The following DLG2 variants were observed in gnomAD, a reference collection of about 807,000 sequenced individuals.
DLG2 encodes the protein disks large homolog 2.
A neutral mutation model predicts 132.5 loss-of-function variants in DLG2; 45 were observed. That is an observed-to-expected ratio of 0.34 (90% confidence interval 0.27 to 0.44). DLG2 has a LOEUF of 0.44. Ranked by LOEUF, DLG2 falls within the 20% of genes least tolerant of loss-of-function variation. The pLI is 1.00. For missense variants in DLG2, 1,045 were observed against 1,196.9 expected, an observed-to-expected ratio of 0.87 and a Z score of 1.87; for synonymous variants, 424 against 419.6, an observed-to-expected ratio of 1.01 and a Z score of -0.13.
At chr11:83,812,410 G>T (rs2153966339) in intron 17 of DLG2, among the ~76,000 whole-genome samples, 1 of 152,172 alleles carries the variant, frequency 6.6e-6, no homozygotes. Context: ...TCTACAATGT[G>T]CCAGGGGCTG....
chr11:84,066,653 A>C (rs752943275), intron 10 of DLG2, among the ~76,000 whole-genome samples: 4 of 151,800 alleles, frequency 2.6e-5, no homozygotes, highest in Middle Eastern at 3.2e-3. Flanking sequence ...CCCAGCTACT[A>C]AGGAGGCTGA....
intron 18 of DLG2, among the ~76,000 whole-genome samples, chr11:83,683,109 G>A (rs987854867): frequency 1.3e-5 from 2 of 152,300 alleles, no homozygotes; most frequent in Admixed American, 1.3e-4. Flanking sequence ...CAGTGCCTGA[G>A]CTTTTTGTTC....
chr11:84,747,606 G>T (rs564913198), intron 6 of DLG2, among the ~76,000 whole-genome samples: 1 of 152,130 alleles, frequency 6.6e-6, no homozygotes, highest in African/African-American at 2.4e-5. Context: ...GACATAATAT[G>T]AAAATACTTG....
At chr11:85,386,897 T>C (rs2086382932) in intron 3 of DLG2, among the ~76,000 whole-genome samples, 1 of 151,302 alleles carries the variant, frequency 6.6e-6, no homozygotes, top group South Asian at 2.1e-4. Context: ...CTTTCTTTTT[T>C]TTTTCTTTTT....
chr11:85,138,112 C>A (rs769891888), intron 5 of DLG2, among the ~76,000 whole-genome samples: 1 of 151,956 alleles, frequency 6.6e-6, no homozygotes, highest in Non-Finnish European at 1.5e-5. Flanking sequence ...TTAGTTTTAA[C>A]CCATCTTTTA....
chr11:84,246,800 A>G (rs953372083), intron 8 of DLG2, among the ~76,000 whole-genome samples: 1 of 152,198 alleles, frequency 6.6e-6, no homozygotes, highest in African/African-American at 2.4e-5. Flanking sequence ...GGATAAGGTG[A>G]GACTACTGTA....
intron 17 of DLG2, among the ~76,000 whole-genome samples, chr11:83,787,045 G>C (rs189485878): frequency 1.3e-5 from 2 of 152,250 alleles, no homozygotes; most frequent in East Asian, 3.9e-4. Context: ...TCATGTTCTA[G>C]TGTATGCATT....
intron 6 of DLG2, among the ~76,000 whole-genome samples, chr11:84,782,463 C>T (rs2071990732): frequency 1.3e-5 from 2 of 151,320 alleles, no homozygotes; most frequent in Non-Finnish European, 1.5e-5. Flanking sequence ...CACACACACA[C>T]ACATTAAAAT....
At chr11:84,594,869 C>T (rs568396718) in intron 6 of DLG2, among the ~76,000 whole-genome samples, 1 of 152,264 alleles carries the variant, frequency 6.6e-6, no homozygotes, top group South Asian at 2.1e-4. Context: ...GAGCCTGAAA[C>T]ATCATGTGAT....
intron 19 of DLG2, among the ~76,000 whole-genome samples, chr11:83,542,194 C>G (rs545202442): frequency 6.6e-4 from 101 of 152,122 alleles, no homozygotes; most frequent in Non-Finnish European, 1.2e-3. Context: ...CCTCCCATTA[C>G]AATCAAATTT....
intron 6 of DLG2, among the ~76,000 whole-genome samples, chr11:84,588,736 C>A (rs1391104759): frequency 6.6e-6 from 1 of 151,124 alleles, no homozygotes; most frequent in Non-Finnish European, 1.5e-5. Flanking sequence ...AAGAAGCCGG[C>A]CAAAACCCAT....
chr11:84,464,435 G>C (rs1158671042), intron 7 of DLG2, among the ~76,000 whole-genome samples: 3 of 151,170 alleles, frequency 2.0e-5, no homozygotes, highest in Non-Finnish European at 4.4e-5. Context: ...TTATGTGATA[G>C]AGCACAGAGA....
chr11:85,437,332 A>AG (rs1328244879), intron 3 of DLG2, among the ~76,000 whole-genome samples: 1 of 152,026 alleles, frequency 6.6e-6, no homozygotes, highest in Non-Finnish European at 1.5e-5. Flanking sequence ...ACAAAAAAAA[A>AG]GAGAAGAAAC....
At chr11:83,606,784 G>A (rs910984042) in intron 19 of DLG2, among the ~76,000 whole-genome samples, 34 of 152,064 alleles carry the variant, frequency 2.2e-4, no homozygotes, top group African/African-American at 7.7e-4. Flanking sequence ...AAAATTAACC[G>A]GGCATGGTGG....
chr11:83,833,211 G>A (rs1332307215), intron 17 of DLG2, among the ~76,000 whole-genome samples: 1 of 152,198 alleles, frequency 6.6e-6, no homozygotes, highest in Non-Finnish European at 1.5e-5. Flanking sequence ...GCTGAGGCGG[G>A]TGGATCACCT....
At chr11:84,621,099 T>C (rs1341120492) in intron 6 of DLG2, among the ~76,000 whole-genome samples, 1 of 152,198 alleles carries the variant, frequency 6.6e-6, no homozygotes. Context: ...AGCACATAAA[T>C]AGAATTAGGG....
At chr11:84,537,447 T>C (rs1028028195) in intron 6 of DLG2, among the ~76,000 whole-genome samples, 1 of 152,166 alleles carries the variant, frequency 6.6e-6, no homozygotes, top group East Asian at 1.9e-4. Flanking sequence ...CCAATAATTA[T>C]AAAATAAATA....
intron 6 of DLG2, among the ~76,000 whole-genome samples, chr11:84,967,523 G>A (rs1247696783): frequency 6.6e-6 from 1 of 152,086 alleles, no homozygotes; most frequent in Non-Finnish European, 1.5e-5. Flanking sequence ...TAGAAAATGT[G>A]TTGATGTATT....
intron 4 of DLG2, among the ~76,000 whole-genome samples, chr11:85,262,601 G>C (rs543540372): frequency 5.0e-4 from 76 of 152,276 alleles, no homozygotes; most frequent in African/African-American, 1.8e-3. Context: ...TAAGGCTCTA[G>C]AAGAAGGTCT....
Sources: allele counts gnomAD v4.1 joint callset (sites outside exome capture counted in the v4.1 genomes callset), GRCh38; gene constraint gnomAD v4.1.1; transcripts MANE v1.5; gene names NCBI Gene and HGNC (gene_info 2026-07-23, HGNC 2026-07-21).